DPP10: variants seen among roughly 807,000 people sequenced by gnomAD.
DPP10 encodes dipeptidyl peptidase like 10, also known as inactive dipeptidyl peptidase 10.
In DPP10, 33 loss-of-function variants were observed where a neutral mutation model predicts 120.9. The ratio of observed to expected loss-of-function variants is 0.27; its 90% confidence interval spans 0.21 to 0.37. The LOEUF (loss-of-function observed/expected upper bound fraction) is 0.37. DPP10 is among the 10% of genes least tolerant of loss of function. DPP10 has a pLI of 1.00. For synonymous variants in DPP10, 337 were observed against 326.1 expected (o/e 1.03, Z -0.36); for missense variants, 816 against 942.8 (o/e 0.87, Z 1.76).
chr2:115,363,449 G>A (rs1014096475), intron 3 of DPP10, among the ~76,000 whole-genome samples: 2 of 152,148 alleles, frequency 1.3e-5, no homozygotes, highest in African/African-American at 4.8e-5. Flanking sequence ...CCATTCAGCT[G>A]TGTTGTTCTC....
chr2:115,274,103 C>G (rs971792790), intron 1 of DPP10, among the ~76,000 whole-genome samples: 4 of 150,256 alleles, frequency 2.7e-5, no homozygotes, highest in Non-Finnish European at 3.0e-5. Context: ...GTGTGTGTGT[C>G]TGTGTGTGTG....
intron 1 of DPP10, among the ~76,000 whole-genome samples, chr2:115,194,230 GT>G (rs796179191): frequency 2.0e-4 from 29 of 146,906 alleles, no homozygotes; most frequent in South Asian, 1.1e-3. Context: ...GGAGTTTGTT[GT>G]TTTTTTTTTT....
chr2:114,707,644 C>G (rs1478281538), intron 1 of DPP10, among the ~76,000 whole-genome samples: 1 of 152,150 alleles, frequency 6.6e-6, no homozygotes, highest in Non-Finnish European at 1.5e-5. Context: ...CTTGCTAGCC[C>G]TTTGGGTGAC....
intron 18 of DPP10, 45 bp from the exon 19 acceptor site, chr2:115,791,242 T>C: frequency 1.2e-6 from 2 of 1,604,124 alleles, no homozygotes; most frequent in Non-Finnish European, 1.7e-6. Context: ...TAGTTTTACC[T>C]GCAAATGACT....
Position 115,744,386 on chromosome 2 carries a change from A to T in DPP10, c.853-1700A>T, listed in dbSNP as rs184767777. On this transcript the variant is annotated intron_variant, in intron 9 of 25. Transcript: ENST00000410059. ...TGACAACTAAATTAAAACAAGAATG[A>T]TGTGAAAGAGAGCTCATAAGAGTCA... is the stretch of plus-strand genomic sequence containing the variant. Among the ~76,000 whole-genome samples, 32 of 150,476 alleles carry T rather than the reference A, an allele frequency of 2.1e-4. No individual in the cohort carries two copies. In the East Asian group the frequency reaches 5.6e-3, roughly 26 times the overall value.
intron 1 of DPP10, among the ~76,000 whole-genome samples, chr2:114,881,488 T>TATCTATCTATCA (rs1491241946): frequency 9.2e-6 from 1 of 108,674 alleles, no homozygotes; most frequent in Non-Finnish European, 1.8e-5. Flanking sequence ...TCTATCTATC[T>TATCTATCTATCA]ATCATATCTC....
chr2:115,353,656 A>G (rs2064180635), intron 3 of DPP10, among the ~76,000 whole-genome samples: 1 of 152,136 alleles, frequency 6.6e-6, no homozygotes, highest in Non-Finnish European at 1.5e-5. Context: ...TTTCTAGGAC[A>G]CTTCTACATA....
At chr2:115,711,693 A>C (rs574535204) in intron 7 of DPP10, among the ~76,000 whole-genome samples, 1 of 152,334 alleles carries the variant, frequency 6.6e-6, no homozygotes, top group African/African-American at 2.4e-5. Flanking sequence ...TAAAGGTATC[A>C]GAAATAACTT....
rs567446533 is a variant in DPP10, at chr2:114,610,041, G to A, written c.60+167203G>A. Among the ~76,000 whole-genome samples the A allele has an allele frequency of 4.6e-5, 7 of 152,274 alleles. No homozygotes were observed. In the South Asian group the frequency reaches 1.5e-3, roughly 32 times the overall value. On this transcript the variant is annotated intron_variant, in intron 1 of 25. Coordinates refer to ENST00000410059, the MANE Select transcript of DPP10 (RefSeq NM_020868.6). The stretch of plus-strand genomic sequence containing the variant: ...AAGGCAATGTTCGTATCTGTTTCAC[G>A]CTTGCCTCGTGCCAGAGACTGCTCA...
chr2:115,345,837 G>A (rs892270294), intron 3 of DPP10, among the ~76,000 whole-genome samples: 2 of 152,088 alleles, frequency 1.3e-5, no homozygotes, highest in Non-Finnish European at 2.9e-5. Context: ...AATATATTTG[G>A]AGTTTATCAT....
intron 1 of DPP10, among the ~76,000 whole-genome samples, chr2:115,243,470 A>C (rs2058381475): frequency 6.6e-6 from 1 of 152,160 alleles, no homozygotes; most frequent in African/African-American, 2.4e-5. Flanking sequence ...ATTTTTCTTT[A>C]TTTTTATTTT....
chr2:115,534,023 TACA>T (rs1255854971), intron 5 of DPP10, among the ~76,000 whole-genome samples: 1 of 152,092 alleles, frequency 6.6e-6, no homozygotes, highest in Non-Finnish European at 1.5e-5. Flanking sequence ...AGCCAGTATT[TACA>T]ACATTTTTTG....
chr2:114,553,852 C>T (rs1254323448), intron 1 of DPP10, among the ~76,000 whole-genome samples: 3 of 152,198 alleles, frequency 2.0e-5, no homozygotes, highest in Non-Finnish European at 1.5e-5. Flanking sequence ...ATTAATTCAA[C>T]AACTATTTAC....
intron 1 of DPP10, among the ~76,000 whole-genome samples, chr2:114,597,120 T>G (rs1039110106): frequency 6.6e-6 from 1 of 152,032 alleles, no homozygotes; most frequent in Non-Finnish European, 1.5e-5. Context: ...TGCTTCAGGA[T>G]GCTCACTGGT....
At chr2:115,225,521 G>A (rs942948141) in intron 1 of DPP10, among the ~76,000 whole-genome samples, 5 of 151,794 alleles carry the variant, frequency 3.3e-5, no homozygotes, top group African/African-American at 9.7e-5. Context: ...GCGTGTGTGT[G>A]TGTGTGTGTA....
chr2:115,674,781 G>T (rs1039990118), intron 5 of DPP10, among the ~76,000 whole-genome samples: 1 of 152,138 alleles, frequency 6.6e-6, no homozygotes, highest in African/African-American at 2.4e-5. Flanking sequence ...AGGTCAGAGG[G>T]ATTTTTATGT....
intron 1 of DPP10, among the ~76,000 whole-genome samples, chr2:114,497,145 G>T (rs139240560): frequency 7.0e-6 from 1 of 142,900 alleles, no homozygotes; most frequent in African/African-American, 2.9e-5. Context: ...AGGTATACAC[G>T]TGTATACATG....
At chr2:115,235,259 G>A (rs988065194) in intron 1 of DPP10, among the ~76,000 whole-genome samples, 2 of 152,122 alleles carry the variant, frequency 1.3e-5, no homozygotes, top group African/African-American at 4.8e-5. Context: ...TATACCAAGG[G>A]AGTGGGACAA....
At chr2:115,013,300 T>C (rs549082594) in intron 1 of DPP10, among the ~76,000 whole-genome samples, 32 of 152,314 alleles carry the variant, frequency 2.1e-4, no homozygotes, top group Non-Finnish European at 4.1e-4. Flanking sequence ...AATTCTTTTC[T>C]TTAAGAATGT....
Sources: allele counts gnomAD v4.1 joint callset (sites outside exome capture counted in the v4.1 genomes callset), GRCh38; gene constraint gnomAD v4.1.1; transcripts MANE v1.5; gene names NCBI Gene and HGNC (gene_info 2026-07-23, HGNC 2026-07-21).